Variants in KLF7 observed in about 807,000 individuals in gnomAD.
KLF7 encodes KLF transcription factor 7.
Under a neutral mutation model 27.3 loss-of-function variants are expected in KLF7, and 2 were observed. That is an observed-to-expected ratio of 0.07 (90% confidence interval 0.03 to 0.23). KLF7 has a LOEUF of 0.23. Ranked by LOEUF, KLF7 falls within the 10% of genes least tolerant of loss-of-function variation. The pLI, the probability that KLF7 is intolerant of heterozygous loss-of-function variation, is 1.00. For missense variants in KLF7, 221 were observed against 394.1 expected (o/e 0.56, Z 3.72); for synonymous variants, 165 against 162.4 (o/e 1.02, Z -0.12).
intron 2 of KLF7, among the ~76,000 whole-genome samples, chr2:207,123,170 G>C (rs200163424): frequency 1.3e-5 from 2 of 151,540 alleles, no homozygotes; most frequent in East Asian, 3.9e-4. Flanking sequence ...AATCACTTTA[G>C]CAACTTCTCA....
rs765295245 is a variant in KLF7, at chr2:207,077,701, C to A, written c.*3512G>T. 3 of 152,074 alleles carry A rather than the reference C, an allele frequency of 2.0e-5. No homozygotes were observed. The highest frequency in any genetic ancestry group is 4.4e-5 in the Non-Finnish European group (3 of 68,046). The allele number at this position is 152,074 out of a possible 1,614,324, so 9.4% of individuals were successfully genotyped here. ...CATTAACCATGGGTGGGGCAGGAGGCCAGTAGCTAGGAGCAGCATTATAAT... is the reference window on the plus strand; with the variant it reads ...CATTAACCATGGGTGGGGCAGGAGGACAGTAGCTAGGAGCAGCATTATAAT... On this transcript the variant is annotated 3_prime_UTR_variant, in exon 4 of 4. Transcript: ENST00000309446.
chr2:207,083,782 C>T (rs367757796), intron 3 of KLF7, among the ~76,000 whole-genome samples: 4 of 152,142 alleles, frequency 2.6e-5, no homozygotes, highest in African/African-American at 7.2e-5. Context: ...GCCATCACAA[C>T]GGTTCTTAAA....
At chr2:207,083,299 CCTCT>C (rs1167122843) in intron 3 of KLF7, among the ~76,000 whole-genome samples, 3 of 152,240 alleles carry the variant, frequency 2.0e-5, no homozygotes, top group Non-Finnish European at 4.4e-5. Flanking sequence ...TCCCTCTCTC[CCTCT>C]CTTTCTCCCT....
rs112054555 is a variant in KLF7, at chr2:207,139,461, C to A, written c.103-15057G>T. Among the ~76,000 whole-genome samples the A allele has an allele frequency of 4.2e-3, 636 of 151,242 alleles. 9 individuals carry two copies. Among genetic ancestry groups the A allele is most frequent in the African/African-American group, 0.014 (593 of 41,094 alleles). On this transcript the variant is annotated intron_variant, in intron 1 of 3. Coordinates refer to ENST00000309446, the MANE Select transcript of KLF7 (RefSeq NM_003709.4). ...ACTACCAAAAAGACCAGAAACAGAA[C>A]GAAAAGTTTCTTGGCCACTAACAAT...
At chr2:207,162,856 C>T (rs1333314800) in intron 1 of KLF7, among the ~76,000 whole-genome samples, 1 of 152,220 alleles carries the variant, frequency 6.6e-6, no homozygotes, top group African/African-American at 2.4e-5. Flanking sequence ...ACATTGTTCA[C>T]TTTAAGAAGA....
rs369722670 is a variant in KLF7 at position 207,141,099 on chromosome 2, C to CTA, written c.103-16697_103-16696dup. 5.4e-3 allele frequency among the ~76,000 whole-genome samples: 822 copies of CTA among 151,978 alleles called. 4 individuals are homozygous for CTA. Among genetic ancestry groups the CTA allele is most frequent in the Non-Finnish European group, 7.0e-3 (477 of 67,970 alleles). On this transcript the variant is annotated intron_variant, in intron 1 of 3. Transcript: ENST00000309446. ...TATATATAGAGATATATAAAATGGACTATATATATATCCTTCCCAATGGTA... is the reference window on the plus strand; with the variant it reads ...TATATATAGAGATATATAAAATGGACTATATATATATATCCTTCCCAATGGTA...
chr2:207,164,665 T>C (rs187652564), intron 1 of KLF7, among the ~76,000 whole-genome samples: 16 of 152,346 alleles, frequency 1.1e-4, no homozygotes, highest in Admixed American at 7.2e-4. Flanking sequence ...TTCAGCATCC[T>C]GGGAGTTTCT....
chr2:207,127,590 C>G (rs1050738050), intron 1 of KLF7, among the ~76,000 whole-genome samples: 5 of 152,154 alleles, frequency 3.3e-5, no homozygotes, highest in African/African-American at 1.2e-4. Context: ...GCCTGTAATC[C>G]TAACACTTTG....
At position 207,079,820 on chromosome 2, in the gene KLF7, T is replaced by C. The variant is rs1162480191; in HGVS notation, c.*1393A>G. Reference sequence around the variant, plus strand: ...CCCATGAGAGAAACACCTCAACCTTTTCCTTAAATGTCAACCCTTCACTCC... The same window carrying C: ...CCCATGAGAGAAACACCTCAACCTTCTCCTTAAATGTCAACCCTTCACTCC... On this transcript the variant is annotated 3_prime_UTR_variant, in exon 4 of 4. Coordinates refer to ENST00000309446, the MANE Select transcript of KLF7 (RefSeq NM_003709.4). 6.6e-6 allele frequency: 1 copy of C among 152,172 alleles called. No individual in the cohort carries two copies. Among genetic ancestry groups the C allele is most frequent in the Non-Finnish European group, 1.5e-5 (1 of 68,040 alleles). The allele number at this position is 152,172 out of a possible 1,614,324, so 9.4% of individuals were successfully genotyped here.
chr2:207,117,285 T>A (rs2077212091), intron 2 of KLF7, among the ~76,000 whole-genome samples: 1 of 152,232 alleles, frequency 6.6e-6, no homozygotes, highest in South Asian at 2.1e-4. Context: ...ATTGCTAAAT[T>A]ACCATGTGGT....
At chr2:207,123,721 G>C in intron 2 of KLF7, 53 bp downstream of exon 2, 1 of 1,550,882 alleles carries the variant, frequency 6.4e-7, no homozygotes. Context: ...CCCACATGAC[G>C]AGGCTACAGG....
Position 207,160,728 on chromosome 2 carries a change from T to C in KLF7, c.102+4739A>G, listed in dbSNP as rs188416971. On this transcript the variant is annotated intron_variant, in intron 1 of 3. Transcript: ENST00000309446. ...AAAAGAATGGCTATTAAAGGCCCCA[T>C]TAGGACCCTCTCTGAACTATCTCCA... 9.8e-5 allele frequency among the ~76,000 whole-genome samples: 15 copies of C among 152,314 alleles called. No individual in the cohort carries two copies. The East Asian group carries it at 2.7e-3, about 27-fold the overall frequency.
In KLF7 at chr2:207,081,214, T is replaced by C. The variant is rs879248332; in HGVS notation, c.908A>G (p.Ter303=). 6.2e-6 allele frequency: 10 copies of C among 1,613,938 alleles called. No individual in the cohort carries two copies. The highest frequency in any genetic ancestry group is 4.4e-5 in the South Asian group (4 of 91,092). ...TGGCAACTCTGGCCTTTCGGTTTTT[T>C]AGATATGTCTCTTCATGTGGAGGGC... is the stretch of plus-strand genomic sequence containing the variant. ...HLALHMKRHI[*] Residue 303 remains the stop codon, a stop_retained_variant, in exon 4 of 4, where the codon TAA becomes TGA. Coordinates refer to ENST00000309446, the MANE Select transcript of KLF7 (RefSeq NM_003709.4).
At chr2:207,160,064 A>G (rs2078498086) in intron 1 of KLF7, among the ~76,000 whole-genome samples, 1 of 152,232 alleles carries the variant, frequency 6.6e-6, no homozygotes, top group Non-Finnish European at 1.5e-5. Flanking sequence ...ATATTCTACA[A>G]TGAGTATACA....
Position 207,165,455 on chromosome 2 carries a change from T to C in KLF7, c.102+12A>G. On this transcript the variant is annotated intron_variant, in intron 1 of 3. Coordinates refer to ENST00000309446, the MANE Select transcript of KLF7 (RefSeq NM_003709.4). ...CACCACACGATTTACACAAGTAATT[T>C]AAATCATTCACCTGCTGCCAGGTCT... is the stretch of plus-strand genomic sequence containing the variant. The C allele has an allele frequency of 6.2e-7, 1 of 1,614,048 alleles. No individual in the cohort carries two copies.
intron 1 of KLF7, among the ~76,000 whole-genome samples, chr2:207,152,880 A>C (rs1392002385): frequency 6.6e-6 from 1 of 152,212 alleles, no homozygotes; most frequent in Non-Finnish European, 1.5e-5. Flanking sequence ...TCAGAAATTA[A>C]GCGAGGTGGA....
At chr2:207,091,686 C>G (rs1264338470) in intron 2 of KLF7, among the ~76,000 whole-genome samples, 1 of 152,160 alleles carries the variant, frequency 6.6e-6, no homozygotes, top group Non-Finnish European at 1.5e-5. Context: ...GGGAATATGA[C>G]TTTATATTTA....
At chr2:207,092,341 G>C (rs1319976325) in intron 2 of KLF7, among the ~76,000 whole-genome samples, 1 of 152,246 alleles carries the variant, frequency 6.6e-6, no homozygotes, top group East Asian at 1.9e-4. Context: ...GGGTGAGGCA[G>C]TGAGGCTGTG....
chr2:207,117,520 T>G (rs751893217), intron 2 of KLF7, among the ~76,000 whole-genome samples: 2 of 152,288 alleles, frequency 1.3e-5, no homozygotes, highest in African/African-American at 2.4e-5. Context: ...CCTCAACACA[T>G]GGATAAACTT....
Sources: allele counts gnomAD v4.1 joint callset (sites outside exome capture counted in the v4.1 genomes callset), GRCh38; gene constraint gnomAD v4.1.1; transcripts MANE v1.5; gene names NCBI Gene and HGNC (gene_info 2026-07-23, HGNC 2026-07-21).